SORBS3: variants seen among roughly 807,000 people sequenced by gnomAD.
SORBS3 encodes the protein sorbin and SH3 domain containing 3, also known as vinexin.
In SORBS3, 69 loss-of-function variants were observed where a neutral mutation model predicts 98.0. The ratio of observed to expected loss-of-function variants is 0.70; its 90% CI spans 0.58 to 0.86. SORBS3 has a LOEUF of 0.86. SORBS3 is among the 40% of genes least tolerant of loss of function. The probability of loss-of-function intolerance (pLI) is 0.00; values close to 1 mark genes in which losing one functional copy is unlikely to be tolerated. For synonymous variants in SORBS3, 394 were observed against 355.4 expected (o/e 1.11, Z -1.22); for missense variants, 954 against 908.5 (o/e 1.05, Z -0.64).
At position 22,566,083 on chromosome 8, in the gene SORBS3, C is replaced by G. The variant is rs561951341; in HGVS notation, c.950+211C>G. 1.3e-3 allele frequency: 759 copies of G among 563,800 alleles called. No individual in the cohort carries two copies. In the African/African-American group the frequency reaches 0.014, roughly 10 times the overall value. The allele number at this position is 563,800 out of a possible 1,614,324, so 34.9% of individuals were successfully genotyped here. A position where few individuals can be genotyped will look rare whatever the true frequency, so the allele number is the denominator to read the frequency against. ...GGGCAGCTAACTCCTAGCAGAGGAC[C>G]GGGGTCGCGGCCGCCGGGGGCGCAG... is the stretch of plus-strand genomic sequence containing the variant. On this transcript the variant is annotated intron_variant, in intron 12 of 20. Transcript: ENST00000240123.
At chr8:22,571,649 C>A in intron 18 of SORBS3, 69 bp from the exon 19 acceptor site, 1 of 1,249,624 alleles carries the variant, frequency 8.0e-7, no homozygotes, top group Non-Finnish European at 1.2e-6. Flanking sequence ...TTTGGGCCTC[C>A]TCCCTCAGGC....
At chr8:22,549,458 T>C (rs1340148938), upstream of SORBS3, among the ~76,000 whole-genome samples, 2 of 152,240 alleles carry the variant, frequency 1.3e-5, no homozygotes, top group Non-Finnish European at 2.9e-5. Context: ...CAAACCCTGC[T>C]ACTTTTCCCC....
At chr8:22,563,327 C>G (rs1457501877) in intron 7 of SORBS3, among the ~76,000 whole-genome samples, 4 of 152,156 alleles carry the variant, frequency 2.6e-5, no homozygotes, top group Non-Finnish European at 5.9e-5. Context: ...TCCATGTAAG[C>G]CAGCCAGCAA....
Position 22,574,935 on chromosome 8 carries a change from G to GC in SORBS3, c.*210dup. Reference sequence around the variant, plus strand: ...ACGACTCACAGGCATTCCTCCCACAGCCCTTTCATTTCCTCCCCACCCCAC... The same window carrying GC: ...ACGACTCACAGGCATTCCTCCCACAGCCCCTTTCATTTCCTCCCCACCCCAC... On this transcript the variant is annotated 3_prime_UTR_variant, in exon 21 of 21. Transcript: ENST00000240123. The GC allele has an allele frequency of 1.5e-6, 1 of 685,916 alleles. No individual in the cohort carries two copies. The highest frequency in any genetic ancestry group is 2.8e-5 in the East Asian group (1 of 36,204). The allele number at this position is 685,916 out of a possible 1,614,324, so 42.5% of individuals were successfully genotyped here. A position where few individuals can be genotyped will look rare whatever the true frequency, so the allele number is the denominator to read the frequency against.
chr8:22,572,840 G>A (rs1840625501), intron 20 of SORBS3, among the ~76,000 whole-genome samples: 1 of 152,224 alleles, frequency 6.6e-6, no homozygotes, highest in Admixed American at 6.5e-5. Context: ...TCCAGCCTGG[G>A]AGGAAGAGGG....
At position 22,554,887 on chromosome 8, in the gene SORBS3, T is replaced by C. The variant is rs1321906126; in HGVS notation, c.127T>C (p.Ser43Pro). The change falls in exon 3 of 21, where the codon TCC becomes CCC. Residue 43 changes from serine to proline, a missense_variant. Physicochemically the swap from Ser to Pro is moderately conservative, Grantham distance 74 (BLOSUM62 -1). Transcript: ENST00000240123. The surrounding 1 kb of genome is among the most constrained non-coding windows in gnomAD (Gnocchi z 6.5). ...GGTGCCCGTGATCCGGAATGGTGGC[T>C]CCAACACCCTTAATTTCCAGTTCCA... ...TRVPVIRNGG[S>P]NTLNFQFHDP... is the part of the protein sequence containing the mutation. 6.2e-7 allele frequency: 1 copy of C among 1,610,006 alleles called. No individual in the cohort carries two copies. The highest frequency in any genetic ancestry group is 1.7e-5 in the Admixed American group (1 of 59,900).
At position 22,566,392 on chromosome 8, in the gene SORBS3, G is replaced by A. The variant is rs1586901262; in HGVS notation, c.998G>A (p.Gly333Asp). 2 of 1,614,096 alleles carry A rather than the reference G, an allele frequency of 1.2e-6. No individual in the cohort carries two copies. Among genetic ancestry groups the A allele is most frequent in the Non-Finnish European group, 1.7e-6 (2 of 1,179,988 alleles). ...SSSYPHAPYLGSARSLSPHKM... is the reference protein window; with the variant it reads ...SSSYPHAPYLDSARSLSPHKM... ...AGCTACCCACATGCACCTTACCTGG[G>A]TTCCGCCCGGTCCCTGAGTCCCCAC... Residue 333 changes from glycine to aspartate, a missense_variant, in exon 13 of 21, where the codon GGT (glycine) becomes GAT (aspartate). Gly to Asp is a moderately conservative substitution (Grantham distance 94). Coordinates refer to ENST00000240123, the MANE Select transcript of SORBS3 (RefSeq NM_005775.5).
In SORBS3 at chr8:22,566,705, GAGA is replaced by G. The variant is rs765741247; in HGVS notation, c.1141_1143del (p.Lys381del). ...AGGGGGCAGCCCAGCCAGGAGGGAA[GAGA>G]AGAAGGTAAGGAGGGGACCAGGTGT... is the stretch of plus-strand genomic sequence containing the variant. On this transcript the variant is annotated inframe_deletion, in exon 14 of 21. Transcript: ENST00000240123. The G allele has an allele frequency of 9.3e-6, 15 of 1,612,536 alleles. No individual in the cohort carries two copies. Among genetic ancestry groups the G allele is most frequent in the Admixed American group, 8.4e-5 (5 of 59,380 alleles).
At position 22,571,116 on chromosome 8, in the gene SORBS3, C is replaced by T. The variant is rs753027017; in HGVS notation, c.1638C>T (p.Pro546=). The change falls in exon 18 of 21, where the codon CCC becomes CCT. Residue 546 remains proline, a synonymous_variant. Coordinates refer to ENST00000240123, the MANE Select transcript of SORBS3 (RefSeq NM_005775.5). ...AARSARHPSS[P]SALRSPADPI... Reference sequence around the variant, plus strand: ...GCTCAGCCCGTCACCCCAGCTCCCCCTCAGCCCTGCGCAGCCCAGCTGACC... The same window carrying T: ...GCTCAGCCCGTCACCCCAGCTCCCCTTCAGCCCTGCGCAGCCCAGCTGACC... The T allele has an allele frequency of 1.9e-6, 3 of 1,608,242 alleles. No individual in the cohort carries two copies. Among genetic ancestry groups the T allele is most frequent in the Admixed American group, 1.7e-5 (1 of 59,956 alleles).
intron 11 of SORBS3, 157 bp from the exon 12 acceptor site, chr8:22,565,669 G>T: frequency 8.3e-7 from 1 of 1,201,368 alleles, no homozygotes; most frequent in East Asian, 3.5e-5. Flanking sequence ...CCTAGTTCCC[G>T]CCCCGCTCCC....
rs372859083 is a variant in SORBS3, at chr8:22,574,876, C to A, written c.*148C>A. 4 of 760,794 alleles carry A rather than the reference C, an allele frequency of 5.3e-6. No individual in the cohort carries two copies. The highest frequency in any genetic ancestry group is 2.0e-5 in the Admixed American group (1 of 50,818). 47.1% of individuals were successfully genotyped at this position (760,794 alleles called of 1,614,324 possible). ...CGACCCCCGCAGCCTTTCCCTCGGA[C>A]CCCCCTCGAAGCCCCCTGGACTGAT... On this transcript the variant is annotated 3_prime_UTR_variant, in exon 21 of 21. Transcript: ENST00000240123.
rs1840219087 is a variant in SORBS3 at position 22,558,016 on chromosome 8, A to C, written c.415-113A>C. The C allele has an allele frequency of 6.4e-6, 6 of 939,068 alleles. No individual in the cohort carries two copies. In the South Asian group the frequency reaches 6.5e-5, roughly 10 times the overall value. 58.2% of individuals were successfully genotyped at this position (939,068 alleles called of 1,614,324 possible). ...AAGAGAAGCATTTCCCAGCCCACCT[A>C]TGGGGGGTTCAGGGATGGCCAGAGA... On this transcript the variant is annotated intron_variant, in intron 4 of 20. Transcript: ENST00000240123.
chr8:22,562,416 C>T (rs1311923758), intron 7 of SORBS3, among the ~76,000 whole-genome samples: 2 of 152,220 alleles, frequency 1.3e-5, no homozygotes, highest in African/African-American at 4.8e-5. Context: ...GGATGACATT[C>T]CTTTCCTCTG....
In SORBS3 at chr8:22,564,264, C is replaced by G. The variant is rs1280975226; in HGVS notation, c.676-19C>G. ...CAGTAGCCCTCTTCACAAGCTGACACCCACCCACCTCCACGCAGGTGCTCA... is the reference window on the plus strand; with the variant it reads ...CAGTAGCCCTCTTCACAAGCTGACAGCCACCCACCTCCACGCAGGTGCTCA... On this transcript the variant is annotated intron_variant, in intron 8 of 20. Transcript: ENST00000240123. 2.5e-6 allele frequency: 4 copies of G among 1,569,876 alleles called. No individual in the cohort carries two copies. The highest frequency in any genetic ancestry group is 3.5e-6 in the Non-Finnish European group (4 of 1,155,348).
rs375264306 is a variant in SORBS3, at chr8:22,558,129, A to G, written c.415A>G (p.Ser139Gly). 3.2e-5 allele frequency: 52 copies of G among 1,613,986 alleles called. No individual in the cohort carries two copies. Among genetic ancestry groups the G allele is most frequent in the Non-Finnish European group, 4.2e-5 (50 of 1,179,998 alleles). The change falls in exon 5 of 21, where the codon AGC becomes GGC. Residue 139 changes from serine to glycine, a missense_variant and splice_region_variant. Coordinates refer to ENST00000240123, the MANE Select transcript of SORBS3 (RefSeq NM_005775.5). ...CTGACTTTGCATTTTCTGATCCCAG[A>G]GCGTTGACAGACCCAGAGACTGGTA... ...ESGMPIAPRS[S>G]VDRPRDWYRR...
chr8:22,560,712 T>G (rs1840273724), intron 5 of SORBS3, among the ~76,000 whole-genome samples: 1 of 152,100 alleles, frequency 6.6e-6, no homozygotes. Context: ...GTGGTCTTTA[T>G]GGTCACTGGT....
At chr8:22,564,860 G>C in intron 10 of SORBS3, 1 of 1,202,902 alleles carries the variant, frequency 8.3e-7, no homozygotes, top group Admixed American at 4.0e-5. Flanking sequence ...AGGCTGGCAG[G>C]AAGCAGCGTG....
chr8:22,567,591 A>C (rs943540671), intron 16 of SORBS3, among the ~76,000 whole-genome samples: 2 of 152,240 alleles, frequency 1.3e-5, no homozygotes, highest in Admixed American at 6.5e-5. Flanking sequence ...AGAGAGTGAT[A>C]GATTATCTCT....
At chr8:22,570,342 C>T (rs1840541021) in intron 17 of SORBS3, among the ~76,000 whole-genome samples, 1 of 152,210 alleles carries the variant, frequency 6.6e-6, no homozygotes, top group Non-Finnish European at 1.5e-5. Context: ...TCAGGACTCC[C>T]TGCCTGTCCT....
Sources: allele counts gnomAD v4.1 joint callset (sites outside exome capture counted in the v4.1 genomes callset), GRCh38; gene constraint gnomAD v4.1.1; non-coding constraint Gnocchi (gnomAD v3.1); transcripts MANE v1.5; gene names NCBI Gene and HGNC (gene_info 2026-07-23, HGNC 2026-07-21).